Variants in TRAPPC12 observed in about 807,000 individuals in gnomAD.
TRAPPC12 encodes TPR repeat protein 15.
A neutral mutation model predicts 69.2 loss-of-function variants in TRAPPC12; 61 were observed. The ratio of observed to expected loss-of-function variants is 0.88; its 90% CI spans 0.72 to 1.09. The LOEUF (loss-of-function observed/expected upper bound fraction) is 1.09, where lower values mean the gene tolerates loss of function less well. Ranked by LOEUF, TRAPPC12 falls within the 50% of genes least tolerant of loss-of-function variation. The probability of loss-of-function intolerance (pLI) is 0.00; values close to 1 mark genes in which losing one functional copy is unlikely to be tolerated. For missense variants in TRAPPC12, 1,101 were observed against 1,016.4 expected (o/e 1.08, Z -1.13); for synonymous variants, 469 against 438.9 (o/e 1.07, Z -0.86).
intron 2 of TRAPPC12, among the ~76,000 whole-genome samples, chr2:3,393,872 A>G (rs1660970267): frequency 6.6e-6 from 1 of 152,194 alleles, no homozygotes; most frequent in South Asian, 2.1e-4. Context: ...TGGTTTGCCA[A>G]TAACCTGTGT....
chr2:3,382,160 G>T (rs1660241828), intron 1 of TRAPPC12, among the ~76,000 whole-genome samples: 1 of 139,408 alleles, frequency 7.2e-6, no homozygotes, highest in Non-Finnish European at 1.5e-5. Context: ...TTTTGAGATG[G>T]AGTCTTATTC....
intron 3 of TRAPPC12, among the ~76,000 whole-genome samples, chr2:3,409,117 C>T (rs539012056): frequency 6.6e-6 from 1 of 152,198 alleles, no homozygotes; most frequent in South Asian, 2.1e-4. Flanking sequence ...GTCCCTTGCT[C>T]ACAACTTTGC....
intron 3 of TRAPPC12, among the ~76,000 whole-genome samples, chr2:3,417,240 C>T (rs553023681): frequency 4.6e-5 from 7 of 152,224 alleles, no homozygotes; most frequent in African/African-American, 9.6e-5. Flanking sequence ...GAGACAGGTT[C>T]GCGCTGTCCC....
At chr2:3,449,919 G>A (rs950596227) in intron 6 of TRAPPC12, among the ~76,000 whole-genome samples, 1 of 152,106 alleles carries the variant, frequency 6.6e-6, no homozygotes, top group African/African-American at 2.4e-5. Context: ...GCCATCCATC[G>A]AGGCCACTTC....
At chr2:3,413,618 C>A (rs1001989181) in intron 3 of TRAPPC12, among the ~76,000 whole-genome samples, 1 of 152,104 alleles carries the variant, frequency 6.6e-6, no homozygotes, top group African/African-American at 2.4e-5. Context: ...GTAAATGATA[C>A]AAGACACTGT....
chr2:3,389,845 G>C (rs919264177), intron 2 of TRAPPC12: 39 of 465,466 alleles, frequency 8.4e-5, no homozygotes, highest in Admixed American at 1.2e-4. Flanking sequence ...AGGCGAGGGT[G>C]GTCCCCCACC....
In TRAPPC12 at chr2:3,477,772, T is replaced by C. The variant is rs1360543853; in HGVS notation, c.1854T>C (p.Gly618=). ...KVTQKLDGLQ[G]KIMVLMNSAF... ...CACAGAAATTAGATGGACTACAGGG[T>C]AAAATCATGGTTTTGATGAACAGGT... Residue 618 remains glycine, a synonymous_variant, in exon 10 of 12, where the codon GGT becomes GGC. Transcript: ENST00000324266. The C allele has an allele frequency of 6.3e-7, 1 of 1,598,814 alleles. No individual in the cohort carries two copies. The highest frequency in any genetic ancestry group is 8.5e-7 in the Non-Finnish European group (1 of 1,173,958).
chr2:3,412,926 A>G (rs1466900341), intron 3 of TRAPPC12, among the ~76,000 whole-genome samples: 3 of 152,228 alleles, frequency 2.0e-5, no homozygotes, highest in Non-Finnish European at 4.4e-5. Context: ...GTGAGTGGAC[A>G]TAAATAGGAG....
intron 9 of TRAPPC12, among the ~76,000 whole-genome samples, chr2:3,476,805 T>C (rs1448060601): frequency 6.6e-6 from 1 of 152,214 alleles, no homozygotes; most frequent in Non-Finnish European, 1.5e-5. Flanking sequence ...TTCAGCTTGT[T>C]TCTCATCGAG....
intron 3 of TRAPPC12, among the ~76,000 whole-genome samples, chr2:3,413,630 TG>T (rs1343682687): frequency 6.6e-6 from 1 of 152,202 alleles, no homozygotes; most frequent in Non-Finnish European, 1.5e-5. Flanking sequence ...AGACACTGTA[TG>T]TTTTTTTAAA....
intron 9 of TRAPPC12, among the ~76,000 whole-genome samples, chr2:3,471,080 G>A (rs1049366944): frequency 3.9e-5 from 6 of 152,208 alleles, no homozygotes; most frequent in South Asian, 2.1e-4. Flanking sequence ...CCGGTCACAC[G>A]AGAAGATACA....
Position 3,479,317 on chromosome 2 carries a change from C to A in TRAPPC12, c.2064C>A (p.Tyr688Ter), listed in dbSNP as rs1187276342. ...TGGTCCAGCAGGACCCCAGGCACTA[C>A]CTGCACGAGAGCGTGCTCTTCAACC... ...EAMVQQDPRH[Y>*]LHESVLFNLT... The change falls in exon 12 of 12, where the codon TAC (tyrosine) becomes TAA (stop). Residue 688 changes from tyrosine (Y) to a stop codon, truncating the protein, a stop_gained. Transcript: ENST00000324266. LOFTEE classifies it high-confidence loss of function. 3 of 1,614,222 alleles carry A rather than the reference C, an allele frequency of 1.9e-6. No homozygotes were observed. Among genetic ancestry groups the A allele is most frequent in the Non-Finnish European group, 2.5e-6 (3 of 1,180,036 alleles).
chr2:3,465,366 A>G (rs1018947876), intron 8 of TRAPPC12, among the ~76,000 whole-genome samples: 1 of 152,006 alleles, frequency 6.6e-6, no homozygotes. Context: ...GACAGGCAGG[A>G]CCCCGCCGTT....
At chr2:3,449,889 G>T (rs993846059) in intron 6 of TRAPPC12, among the ~76,000 whole-genome samples, 7 of 152,174 alleles carry the variant, frequency 4.6e-5, no homozygotes, top group African/African-American at 1.7e-4. Flanking sequence ...GGAGAAGAAA[G>T]GAAAGGCCGA....
At chr2:3,476,835 T>G (rs2103177254) in intron 9 of TRAPPC12, among the ~76,000 whole-genome samples, 1 of 152,316 alleles carries the variant, frequency 6.6e-6, no homozygotes, top group East Asian at 1.9e-4. Context: ...AGCATTCTGT[T>G]AAGTTTCTGC....
intron 3 of TRAPPC12, among the ~76,000 whole-genome samples, chr2:3,405,262 T>C (rs967902822): frequency 6.6e-6 from 1 of 152,064 alleles, no homozygotes; most frequent in African/African-American, 2.4e-5. Flanking sequence ...CTTTGTAGAT[T>C]AGAACACTAA....
intron 6 of TRAPPC12, 78 bp from the exon 7 acceptor site, chr2:3,457,543 C>G: frequency 8.5e-7 from 1 of 1,178,818 alleles, no homozygotes; most frequent in African/African-American, 1.5e-5. Context: ...ATTTGCTGTA[C>G]TGAGATTATA....
chr2:3,417,650 GTGAA>G (rs1243112115), intron 3 of TRAPPC12, among the ~76,000 whole-genome samples: 2 of 152,124 alleles, frequency 1.3e-5, no homozygotes, highest in Non-Finnish European at 2.9e-5. Context: ...TGGCCACTGA[GTGAA>G]TGAATGAGGA....
At chr2:3,408,050 G>T (rs1421704287) in intron 3 of TRAPPC12, among the ~76,000 whole-genome samples, 3 of 152,136 alleles carry the variant, frequency 2.0e-5, no homozygotes, top group African/African-American at 7.2e-5. Flanking sequence ...TTAAACAAGA[G>T]CCCTGGCTCT....
Sources: allele counts gnomAD v4.1 joint callset (sites outside exome capture counted in the v4.1 genomes callset), GRCh38; gene constraint gnomAD v4.1.1; transcripts MANE v1.5; gene names NCBI Gene and HGNC (gene_info 2026-07-23, HGNC 2026-07-21).